The following NUMBL variants were observed in gnomAD, a reference collection of about 807,000 sequenced individuals.
The protein encoded by NUMBL is NUMB like endocytic adaptor protein, also known as numb-like protein.
Under a neutral mutation model 48.9 loss-of-function variants are expected in NUMBL, and 20 were observed. The observed-to-expected ratio is 0.41, with a 90% CI of 0.29 to 0.59. The LOEUF (loss-of-function observed/expected upper bound fraction) is 0.59. NUMBL is among the 20% of genes least tolerant of loss of function. The pLI is 0.31. For missense variants in NUMBL, 660 were observed against 846.2 expected (o/e 0.78, Z 2.73); for synonymous variants, 340 against 348.7 (o/e 0.98, Z 0.28).
chr19:40,677,419 G>A lies in NUMBL; in HGVS notation c.543C>T (p.Gly181=), dbSNP rs142919732. 1.2e-3 allele frequency: 1,954 copies of A among 1,607,100 alleles called. 3 individuals carry two copies. The highest frequency in any genetic ancestry group is 1.4e-3 in the Non-Finnish European group (1,697 of 1,179,152). Reference sequence around the variant, plus strand: ...AGCCCACAGCGTGGCTCAGCCTCTCGCCCTATGGGGAGAGGATGGGCGGGG... The same window carrying A: ...AGCCCACAGCGTGGCTCAGCCTCTCACCCTATGGGGAGAGGATGGGCGGGG... ...CHCFLALKDS[G]ERLSHAVGCA... is the part of the protein sequence containing the mutation. The change falls in exon 7 of 10, where the codon GGC becomes GGT. Residue 181 remains glycine (G), a splice_region_variant and synonymous_variant. Coordinates refer to ENST00000252891, the MANE Select transcript of NUMBL (RefSeq NM_004756.5).
chr19:40,673,751 C>T lies in NUMBL; in HGVS notation c.731-102G>A. Reference sequence around the variant, plus strand: ...CATTCTCCAAGGCTGCCTTCCTTGCCCAGTGAGTCCTGCCCTTAAGACAAG... The same window carrying T: ...CATTCTCCAAGGCTGCCTTCCTTGCTCAGTGAGTCCTGCCCTTAAGACAAG... On this transcript the variant is annotated intron_variant, in intron 7 of 9. Coordinates refer to ENST00000252891, the MANE Select transcript of NUMBL (RefSeq NM_004756.5). The surrounding 1 kb of genome is among the most constrained non-coding windows in gnomAD (Gnocchi z 5.9). The T allele has an allele frequency of 8.9e-7, 1 of 1,117,570 alleles. No individual in the cohort carries two copies. Among genetic ancestry groups the T allele is most frequent in the Non-Finnish European group, 1.2e-6 (1 of 810,354 alleles). 69.2% of individuals were successfully genotyped at this position (1,117,570 alleles called of 1,614,324 possible). A position where few individuals can be genotyped will look rare whatever the true frequency, so the allele number is the denominator to read the frequency against.
chr19:40,681,639 A>G (rs978253196), intron 5 of NUMBL, among the ~76,000 whole-genome samples: 1 of 152,076 alleles, frequency 6.6e-6, no homozygotes, highest in African/African-American at 2.4e-5. Context: ...CATTGATCTG[A>G]GCAGTTACGA....
intron 3 of NUMBL, 74 bp downstream of exon 3, chr19:40,684,343 G>T: frequency 6.8e-7 from 1 of 1,465,854 alleles, no homozygotes. Context: ...TCCCAGCCAG[G>T]CCGCGCACCC....
At chr19:40,680,137 T>TTG (rs1555753312) in intron 6 of NUMBL, among the ~76,000 whole-genome samples, 1 of 151,826 alleles carries the variant, frequency 6.6e-6, no homozygotes, top group East Asian at 1.9e-4. Context: ...TAGTTTTTTT[T>TTG]TTTTGTTTTC....
chr19:40,687,002 G>T lies in NUMBL; in HGVS notation c.25-7C>A, dbSNP rs1362301977. The T allele has an allele frequency of 4.7e-6, 7 of 1,489,154 alleles. No homozygotes were observed. Among genetic ancestry groups the T allele is most frequent in the South Asian group, 1.3e-5 (1 of 75,524 alleles). 92.2% of individuals were successfully genotyped at this position (1,489,154 alleles called of 1,614,324 possible). A position where few individuals can be genotyped will look rare whatever the true frequency, so the allele number is the denominator to read the frequency against. ...CAGGCCTCCGGGGTCCGCCCTGCCCGAGTAGGGGAGGAGAAGGTGAGAAGT... is the reference window on the plus strand; with the variant it reads ...CAGGCCTCCGGGGTCCGCCCTGCCCTAGTAGGGGAGGAGAAGGTGAGAAGT... On this transcript the variant is annotated splice_polypyrimidine_tract_variant and splice_region_variant and intron_variant, in intron 1 of 9. Coordinates refer to ENST00000252891, the MANE Select transcript of NUMBL (RefSeq NM_004756.5). This position sits in a 1 kb window ranked among gnomAD's most constrained non-coding sequence, Gnocchi z 4.6.
chr19:40,683,574 T>C (rs899018245), intron 3 of NUMBL, among the ~76,000 whole-genome samples: 1 of 152,218 alleles, frequency 6.6e-6, no homozygotes, highest in Non-Finnish European at 1.5e-5. Context: ...GTGGAGGGGC[T>C]GTGACCATGG....
chr19:40,678,307 C>T (rs1198059853), intron 6 of NUMBL, among the ~76,000 whole-genome samples: 1 of 152,168 alleles, frequency 6.6e-6, no homozygotes, highest in Non-Finnish European at 1.5e-5. Context: ...GGATTATAGG[C>T]ATGCGCCACC....
At position 40,686,912 on chromosome 19, in the gene NUMBL, T is replaced by G; in HGVS notation, c.108A>C (p.Pro36=). 1 of 1,538,842 alleles carries G rather than the reference T, an allele frequency of 6.5e-7. No homozygotes were observed. Among genetic ancestry groups the G allele is most frequent in the Non-Finnish European group, 8.8e-7 (1 of 1,135,872 alleles). The change falls in exon 2 of 10, where the codon CCA becomes CCC. Residue 36 remains proline, a splice_region_variant and synonymous_variant. Transcript: ENST00000252891. ...CCCTGTCCCAGGCTGGTCGCTCACCTGGCTCCGTCCTGCAGGTTTCTGGGG... is the reference window on the plus strand; with the variant it reads ...CCCTGTCCCAGGCTGGTCGCTCACCGGGCTCCGTCCTGCAGGTTTCTGGGG... ...PGPPETCRTE[P]DGAGTMNKLR... is the part of the protein sequence containing the mutation.
rs2081882421 is a variant in NUMBL, at chr19:40,677,370, G to A, written c.592C>T (p.Arg198Ter). Residue 198 changes from arginine to a stop codon, truncating the protein, a stop_gained, in exon 7 of 10, where the codon CGA (arginine) becomes TGA (stop). Transcript: ENST00000252891. LOFTEE classifies it high-confidence loss of function. ...VGCAFAACLERKQRREKECGV... is the reference protein window; with the variant it reads ...VGCAFAACLE ...CATTCCTTCTCCCGTCGCTGTTTTC[G>A]CTCCAGGCAGGCGGCAAAAGCACAG... The A allele has an allele frequency of 1.2e-6, 2 of 1,611,582 alleles. No homozygotes were observed. Among genetic ancestry groups the A allele is most frequent in the Admixed American group, 1.7e-5 (1 of 60,004 alleles).
chr19:40,687,070 G>A lies in NUMBL; in HGVS notation c.25-75C>T. On this transcript the variant is annotated intron_variant, in intron 1 of 9. Transcript: ENST00000252891. The surrounding 1 kb of genome is among the most constrained non-coding windows in gnomAD (Gnocchi z 4.6). ...CAGTCTGATACTTCACCCCGACTTTGGACTTCGGCCAGCCCCCTCCATCTT... is the reference window on the plus strand; with the variant it reads ...CAGTCTGATACTTCACCCCGACTTTAGACTTCGGCCAGCCCCCTCCATCTT... 3 of 903,924 alleles carry A rather than the reference G, an allele frequency of 3.3e-6. No homozygotes were observed. The highest frequency in any genetic ancestry group is 5.9e-5 in the East Asian group (2 of 33,868). The allele number at this position is 903,924 out of a possible 1,614,324, so 56.0% of individuals were successfully genotyped here.
rs1336292398 is a variant in NUMBL at position 40,673,926 on chromosome 19, T to G, written c.731-277A>C. On this transcript the variant is annotated intron_variant, in intron 7 of 9. Transcript: ENST00000252891. This position sits in a 1 kb window ranked among gnomAD's most constrained non-coding sequence, Gnocchi z 5.9. Reference sequence around the variant, plus strand: ...TCTTGCCCTGCTGCTCTCACCATTCTTCCCTCTAAGACCCTCTATCTCCCT... The same window carrying G: ...TCTTGCCCTGCTGCTCTCACCATTCGTCCCTCTAAGACCCTCTATCTCCCT... Among the ~76,000 whole-genome samples, 1 of 152,116 alleles carries G rather than the reference T, an allele frequency of 6.6e-6. No individual in the cohort carries two copies. Among genetic ancestry groups the G allele is most frequent in the Non-Finnish European group, 1.5e-5 (1 of 68,020 alleles).
In NUMBL at chr19:40,672,638, T is replaced by C. The variant is rs146705629; in HGVS notation, c.1036+706A>G. On this transcript the variant is annotated intron_variant, in intron 8 of 9. Coordinates refer to ENST00000252891, the MANE Select transcript of NUMBL (RefSeq NM_004756.5). ...AACATAACACTCTTGCTACTCTTTC[T>C]TCTCCCTTGCCCATGACACACACTG... is the stretch of plus-strand genomic sequence containing the variant. Among the ~76,000 whole-genome samples the C allele has an allele frequency of 5.3e-5, 8 of 152,370 alleles. No homozygotes were observed. The East Asian group carries it at 1.5e-3, about 29-fold the overall frequency.
Position 40,673,263 on chromosome 19 carries a change from A to G in NUMBL, c.1036+81T>C. ...ACAGTGCAAATCAATCACAGTGTGA[A>G]CCATCTCGCCTCCATCCCTTGCCCA... On this transcript the variant is annotated intron_variant, in intron 8 of 9. Coordinates refer to ENST00000252891, the MANE Select transcript of NUMBL (RefSeq NM_004756.5). The surrounding 1 kb of genome is among the most constrained non-coding windows in gnomAD (Gnocchi z 5.9). The G allele has an allele frequency of 3.6e-6, 5 of 1,370,162 alleles. No individual in the cohort carries two copies. Among genetic ancestry groups the G allele is most frequent in the Non-Finnish European group, 4.9e-6 (5 of 1,016,658 alleles). 84.9% of individuals were successfully genotyped at this position (1,370,162 alleles called of 1,614,324 possible). A position where few individuals can be genotyped will look rare whatever the true frequency, so the allele number is the denominator to read the frequency against.
rs2081807693 is a variant in NUMBL, at chr19:40,666,366, C to G, written c.*1102G>C. On this transcript the variant is annotated 3_prime_UTR_variant, in exon 10 of 10. Coordinates refer to ENST00000252891, the MANE Select transcript of NUMBL (RefSeq NM_004756.5). ...TGGCGGCCAGGCTGGTCTCGAACTC[C>G]TGACCTTAAGTGATCTGCCTGCCTC... 1 of 152,152 alleles carries G rather than the reference C, an allele frequency of 6.6e-6. No individual in the cohort carries two copies. Among genetic ancestry groups the G allele is most frequent in the South Asian group, 2.1e-4 (1 of 4,824 alleles). 9.4% of individuals were successfully genotyped at this position (152,152 alleles called of 1,614,324 possible).
intron 6 of NUMBL, among the ~76,000 whole-genome samples, chr19:40,678,653 C>T (rs527542071): frequency 6.6e-6 from 1 of 152,260 alleles, no homozygotes; most frequent in South Asian, 2.1e-4. Flanking sequence ...GTCATTTAAG[C>T]CACACAGTCT....
intron 3 of NUMBL, 161 bp from the exon 4 acceptor site, chr19:40,683,129 T>C (rs1485210335): frequency 4.4e-6 from 3 of 685,398 alleles, no homozygotes; most frequent in East Asian, 5.4e-5. Context: ...GGAGACCCCA[T>C]TCCTGGTCTA....
chr19:40,669,892 C>T lies in NUMBL; in HGVS notation c.1159+6G>A, dbSNP rs747999560. The T allele has an allele frequency of 6.8e-6, 11 of 1,612,598 alleles. No homozygotes were observed. In the South Asian group the frequency reaches 9.9e-5, roughly 15 times the overall value. ...GGTGTCTGCCCAGCAGAAAGCCTGG[C>T]TTTACCTGTTGTGGCAGGTGGTGGC... On this transcript the variant is annotated splice_donor_region_variant and intron_variant, in intron 9 of 9. Coordinates refer to ENST00000252891, the MANE Select transcript of NUMBL (RefSeq NM_004756.5).
intron 7 of NUMBL, 127 bp downstream of exon 7, chr19:40,677,105 C>A: frequency 3.9e-6 from 4 of 1,021,600 alleles, no homozygotes; most frequent in Non-Finnish European, 4.2e-6. Flanking sequence ...TGAACCATGG[C>A]GCTTGGCCTG....
In NUMBL at chr19:40,673,666, G is replaced by C. The variant is rs1162774278; in HGVS notation, c.731-17C>G. The C allele has an allele frequency of 2.7e-6, 4 of 1,462,524 alleles. No individual in the cohort carries two copies. The highest frequency in any genetic ancestry group is 2.6e-5 in the Admixed American group (1 of 37,830). The allele number at this position is 1,462,524 out of a possible 1,614,324, so 90.6% of individuals were successfully genotyped here. A position where few individuals can be genotyped will look rare whatever the true frequency, so the allele number is the denominator to read the frequency against. ...CTGCCTCTGCTGGAGACATGGGGGA[G>C]ATGGATGGTTAGATATCTCACCATG... On this transcript the variant is annotated splice_polypyrimidine_tract_variant and intron_variant, in intron 7 of 9. Transcript: ENST00000252891. This position sits in a 1 kb window ranked among gnomAD's most constrained non-coding sequence, Gnocchi z 5.9.
Sources: allele counts gnomAD v4.1 joint callset (sites outside exome capture counted in the v4.1 genomes callset), GRCh38; gene constraint gnomAD v4.1.1; non-coding constraint Gnocchi (gnomAD v3.1); transcripts MANE v1.5; gene names NCBI Gene and HGNC (gene_info 2026-07-23, HGNC 2026-07-21).